SH3BGRL: variants seen among roughly 807,000 people sequenced by gnomAD.
The protein encoded by SH3BGRL is SH3 domain binding glutamate rich protein like.
A neutral mutation model predicts 9.8 loss-of-function variants in SH3BGRL; 7 were observed. The observed-to-expected ratio is 0.72, with a 90% CI of 0.41 to 1.35. The LOEUF is 1.35. SH3BGRL is among the 40% of genes most tolerant of loss of function. The pLI, the probability that SH3BGRL is intolerant of heterozygous loss-of-function variation, is 0.01. For missense variants in SH3BGRL, 73 were observed against 84.4 expected, an observed-to-expected ratio of 0.86 and a Z score of 0.53; for synonymous variants, 36 against 29.1, an observed-to-expected ratio of 1.24 and a Z score of -0.76.
At chrX:81,279,594 G>A (rs2075809384) in intron 3 of SH3BGRL, among the ~76,000 whole-genome samples, 1 of 111,155 alleles carries the variant, frequency 9.0e-6, no homozygotes, top group African/African-American at 3.3e-5. Flanking sequence ...CTGTTTGCGG[G>A]AGAAGTTTCC....
intron 1 of SH3BGRL, among the ~76,000 whole-genome samples, chrX:81,219,969 C>T (rs2075595602): frequency 9.0e-6 from 1 of 111,198 alleles, no homozygotes; most frequent in South Asian, 3.8e-4. Flanking sequence ...GGATAAATTC[C>T]ACTTGGTCAT....
At chrX:81,265,547 T>C (rs1229653091) in intron 1 of SH3BGRL, among the ~76,000 whole-genome samples, 1 of 111,758 alleles carries the variant, frequency 8.9e-6, no homozygotes, top group East Asian at 2.8e-4. Context: ...ACTCATCCTT[T>C]TTTATGGCTG....
At chrX:81,293,913 T>G (rs1278801305) in intron 3 of SH3BGRL, among the ~76,000 whole-genome samples, 1 of 111,829 alleles carries the variant, frequency 8.9e-6, no homozygotes, top group Non-Finnish European at 1.9e-5. Flanking sequence ...ATTCTTGATA[T>G]GTTTTAGCAA....
chrX:81,223,310 C>G (rs1383942005), intron 1 of SH3BGRL, among the ~76,000 whole-genome samples: 2 of 111,519 alleles, frequency 1.8e-5, no homozygotes, highest in Non-Finnish European at 3.8e-5. Context: ...GGTTTTAGGT[C>G]TAACATTTTC....
chrX:81,243,300 A>G (rs1014700480), intron 1 of SH3BGRL, among the ~76,000 whole-genome samples: 3 of 112,322 alleles, frequency 2.7e-5, no homozygotes, highest in Non-Finnish European at 5.6e-5. Context: ...GGCAAATGCC[A>G]TGTGTTCTCA....
chrX:81,286,795 A>G (rs1182046123), intron 3 of SH3BGRL, among the ~76,000 whole-genome samples: 1 of 111,510 alleles, frequency 9.0e-6, no homozygotes, highest in Non-Finnish European at 1.9e-5. Flanking sequence ...AGAGAACATT[A>G]TATGCTTGCT....
chrX:81,233,996 A>C (rs921374930), intron 1 of SH3BGRL, among the ~76,000 whole-genome samples: 1 of 111,506 alleles, frequency 9.0e-6, no homozygotes. Flanking sequence ...TGTCCTGTTG[A>C]GGAAGTTTGT....
intron 1 of SH3BGRL, among the ~76,000 whole-genome samples, chrX:81,250,393 C>T (rs1193615283): frequency 5.8e-5 from 5 of 86,597 alleles, no homozygotes; most frequent in Admixed American, 2.9e-4. Flanking sequence ...GGCGACACAG[C>T]GAGACTCCGT....
intron 1 of SH3BGRL, among the ~76,000 whole-genome samples, chrX:81,240,631 G>A (rs1279996209): frequency 1.8e-5 from 2 of 112,350 alleles, no homozygotes; most frequent in Non-Finnish European, 3.8e-5. Flanking sequence ...GCAATCTCCA[G>A]ATTCAGTGCA....
intron 3 of SH3BGRL, among the ~76,000 whole-genome samples, chrX:81,288,817 C>A (rs1169426346): frequency 9.0e-6 from 1 of 111,397 alleles, no homozygotes; most frequent in Non-Finnish European, 1.9e-5. Context: ...ATTCCATGAT[C>A]ATGGATTGAA....
In SH3BGRL at chrX:81,257,348, T is replaced by C. The variant is rs1602614434; in HGVS notation, c.46-19636T>C. On this transcript the variant is annotated intron_variant, in intron 1 of 3. Transcript: ENST00000373212. ...ATTCAAATGCAAGTCAGTCAGGTTC[T>C]GTATTAGTTTTCTATGCTGTGTAAC... Among the ~76,000 whole-genome samples, 3 of 112,371 alleles carry C rather than the reference T, an allele frequency of 2.7e-5. No individual in the cohort carries two copies. The Admixed American group carries it at 2.8e-4, about 11-fold the overall frequency.
intron 1 of SH3BGRL, among the ~76,000 whole-genome samples, chrX:81,209,632 T>C (rs2075557547): frequency 9.0e-6 from 1 of 111,248 alleles, no homozygotes; most frequent in African/African-American, 3.3e-5. Context: ...TGAATAGAAA[T>C]TGTCAATACT....
intron 1 of SH3BGRL, among the ~76,000 whole-genome samples, chrX:81,265,137 T>C (rs1359868862): frequency 9.2e-6 from 1 of 108,574 alleles, no homozygotes; most frequent in East Asian, 2.9e-4. Flanking sequence ...AACGTGTTTT[T>C]AGAAAAGGTA....
At chrX:81,239,159 A>C (rs979219819) in intron 1 of SH3BGRL, among the ~76,000 whole-genome samples, 1 of 112,300 alleles carries the variant, frequency 8.9e-6, no homozygotes, top group Non-Finnish European at 1.9e-5. Context: ...CCAGGAAAAC[A>C]TGACCTCATT....
rs141552749 is a variant in SH3BGRL, at chrX:81,293,646, G to A, written c.313-3549G>A. Among the ~76,000 whole-genome samples, 416 of 112,162 alleles carry A rather than the reference G, an allele frequency of 3.7e-3. 2 individuals are homozygous for A. The highest frequency in any genetic ancestry group is 0.013 in the African/African-American group (401 of 30,838). On this transcript the variant is annotated intron_variant, in intron 3 of 3. Transcript: ENST00000373212. ...TGCAGTGAGCTGAGATTGCACCACG[G>A]CACAACAGCCTGGGTGATAGAGTGA... is the stretch of plus-strand genomic sequence containing the variant.
intron 3 of SH3BGRL, among the ~76,000 whole-genome samples, chrX:81,280,533 G>T (rs1331550315): frequency 9.0e-6 from 1 of 111,631 alleles, no homozygotes; most frequent in African/African-American, 3.3e-5. Context: ...CCAGGATCTG[G>T]GTAGACTCGC....
rs1385543147 is a variant in SH3BGRL at position 81,234,356 on chromosome X, T to C, written c.45+32111T>C. The stretch of plus-strand genomic sequence containing the variant: ...ATGGTTTTCCTCATTTTCTTTTTAG[T>C]TGTCTTTCATGATTTTTACAAAGTA... On this transcript the variant is annotated intron_variant, in intron 1 of 3. Coordinates refer to ENST00000373212, the MANE Select transcript of SH3BGRL (RefSeq NM_003022.3). Among the ~76,000 whole-genome samples, 3 of 112,363 alleles carry C rather than the reference T, an allele frequency of 2.7e-5. No homozygotes were observed. In the Admixed American group the frequency reaches 2.8e-4, roughly 11 times the overall value.
At chrX:81,224,700 T>C (rs1251989747) in intron 1 of SH3BGRL, among the ~76,000 whole-genome samples, 2 of 111,997 alleles carry the variant, frequency 1.8e-5, no homozygotes, top group African/African-American at 6.5e-5. Context: ...CTTCATTGTA[T>C]ACAAAAAGTT....
intron 1 of SH3BGRL, among the ~76,000 whole-genome samples, chrX:81,239,355 G>T: frequency 8.9e-6 from 1 of 112,197 alleles, no homozygotes; most frequent in African/African-American, 3.2e-5. Context: ...GAAACAAACA[G>T]AAATTCTGGA....
Sources: gnomAD v4.1 joint callset for allele counts (sites outside exome capture counted in the v4.1 genomes callset) on GRCh38, gnomAD v4.1.1 for gene constraint, MANE v1.5 for transcripts, NCBI Gene and HGNC (gene_info 2026-07-23, HGNC 2026-07-21) for gene names.